Variants in TRAPPC8 observed in about 807,000 individuals in gnomAD.
The protein encoded by TRAPPC8 is general sporulation gene 1 homolog.
A neutral mutation model predicts 174.3 loss-of-function variants in TRAPPC8; 54 were observed. The ratio of observed to expected loss-of-function variants is 0.31; its 90% CI spans 0.25 to 0.39. The LOEUF (loss-of-function observed/expected upper bound fraction) is 0.39. Ranked by LOEUF, TRAPPC8 falls within the 10% of genes least tolerant of loss-of-function variation. The probability of loss-of-function intolerance (pLI) is 1.00; values close to 1 mark genes in which losing one functional copy is unlikely to be tolerated. For synonymous variants in TRAPPC8, 630 were observed against 579.9 expected (o/e 1.09, Z -1.24); for missense variants, 1,531 against 1,699.1 (o/e 0.90, Z 1.74).
At chr18:31,881,017 C>A (rs78008825) in intron 12 of TRAPPC8, among the ~76,000 whole-genome samples, 2 of 151,846 alleles carry the variant, frequency 1.3e-5, no homozygotes, top group Non-Finnish European at 2.9e-5. Context: ...ACAAAAAAAA[C>A]CCACGCTCAC....
chr18:31,887,844 G>C (rs890026406), intron 12 of TRAPPC8, among the ~76,000 whole-genome samples: 3 of 151,938 alleles, frequency 2.0e-5, no homozygotes, highest in Non-Finnish European at 4.4e-5. Flanking sequence ...TGGACGTTCT[G>C]GCCAGGGCAA....
At position 31,911,607 on chromosome 18, in the gene TRAPPC8, C is replaced by T. The variant is rs1185893530; in HGVS notation, c.771+1762G>A. ...TACAAAAATTAGCCAGGCGTGGTGG[C>T]GGGCGCCTGTAATCCCAGCTACTCG... is the stretch of plus-strand genomic sequence containing the variant. On this transcript the variant is annotated intron_variant, in intron 5 of 28. Coordinates refer to ENST00000283351, the MANE Select transcript of TRAPPC8 (RefSeq NM_014939.5). 8.6e-5 allele frequency among the ~76,000 whole-genome samples: 13 copies of T among 151,208 alleles called. No individual in the cohort carries two copies. The East Asian group carries it at 2.3e-3, about 27-fold the overall frequency.
rs2034820031 is a variant in TRAPPC8, at chr18:31,870,830, C to T, written c.2257+96G>A. The T allele has an allele frequency of 3.4e-6, 4 of 1,167,118 alleles. No homozygotes were observed. In the South Asian group the frequency reaches 7.9e-5, roughly 23 times the overall value. The allele number at this position is 1,167,118 out of a possible 1,614,324, so 72.3% of individuals were successfully genotyped here. The stretch of plus-strand genomic sequence containing the variant: ...ATGAGTTCCTAATTTATTTTTGCAT[C>T]CCCAGCACCAATTATGTGTGCCAAA... On this transcript the variant is annotated intron_variant, in intron 15 of 28. Coordinates refer to ENST00000283351, the MANE Select transcript of TRAPPC8 (RefSeq NM_014939.5).
chr18:31,928,342 C>CACAG (rs1370959903), intron 2 of TRAPPC8, among the ~76,000 whole-genome samples: 1 of 120,720 alleles, frequency 8.3e-6, no homozygotes, highest in Non-Finnish European at 1.7e-5. Flanking sequence ...TCTCTACACA[C>CACAG]ACACACACAC....
intron 19 of TRAPPC8, among the ~76,000 whole-genome samples, chr18:31,863,605 T>C (rs1323220186): frequency 5.9e-5 from 9 of 152,160 alleles, no homozygotes; most frequent in Admixed American, 2.6e-4. Flanking sequence ...TTATTAAAAC[T>C]ATATATAAGT....
At chr18:31,923,448 C>T (rs904050216) in intron 2 of TRAPPC8, among the ~76,000 whole-genome samples, 1 of 152,140 alleles carries the variant, frequency 6.6e-6, no homozygotes, top group African/African-American at 2.4e-5. Flanking sequence ...CTGAAGAAAA[C>T]ACGGCACTGT....
At chr18:31,896,987 T>G (rs117391189) in intron 11 of TRAPPC8, among the ~76,000 whole-genome samples, 3,408 of 152,148 alleles carry the variant, frequency 0.022, 63 homozygotes, top group Middle Eastern at 0.048. Flanking sequence ...AAGGTCAGGG[T>G]TGAAGACAGA....
At chr18:31,928,178 TAAAA>T (rs1568147766) in intron 2 of TRAPPC8, among the ~76,000 whole-genome samples, 18 of 150,406 alleles carry the variant, frequency 1.2e-4, no homozygotes, top group South Asian at 4.2e-4. Context: ...TAAAATAAAA[TAAAA>T]TAAAATTAAA....
At chr18:31,935,741 T>C (rs949327924) in intron 1 of TRAPPC8, among the ~76,000 whole-genome samples, 2 of 137,372 alleles carry the variant, frequency 1.5e-5, no homozygotes, top group African/African-American at 5.4e-5. Context: ...ACCCCATTTC[T>C]TTTTTTTTTT....
chr18:31,903,121 C>T (rs981128288), intron 9 of TRAPPC8, among the ~76,000 whole-genome samples: 24 of 149,010 alleles, frequency 1.6e-4, no homozygotes, highest in Non-Finnish European at 2.8e-4. Flanking sequence ...TGCGTGCGTG[C>T]GTGTGTGTGT....
In TRAPPC8 at chr18:31,858,236, G is replaced by C. The variant is rs192355309; in HGVS notation, c.2746-254C>G. On this transcript the variant is annotated intron_variant, in intron 19 of 28. Coordinates refer to ENST00000283351, the MANE Select transcript of TRAPPC8 (RefSeq NM_014939.5). ...AAAGGTATACTATCAGTACACAAGA[G>C]GGCTAACATGTCAAAATTTCACAAC... 2.5e-3 allele frequency among the ~76,000 whole-genome samples: 255 copies of C among 101,396 alleles called. 1 individual carries two copies. The highest frequency in any genetic ancestry group is 8.0e-3 in the African/African-American group (207 of 25,774). 66.5% of individuals were successfully genotyped at this position (101,396 alleles called of 152,430 possible).
chr18:31,933,020 A>AAG (rs1568153937), intron 1 of TRAPPC8, among the ~76,000 whole-genome samples: 265 of 128,834 alleles, frequency 2.1e-3, no homozygotes, highest in African/African-American at 7.8e-3. Flanking sequence ...AAAAAAAAAA[A>AAG]GCCGGGCGCA....
intron 26 of TRAPPC8, among the ~76,000 whole-genome samples, chr18:31,840,319 T>C (rs537716087): frequency 1.4e-3 from 204 of 146,108 alleles, no homozygotes; most frequent in Non-Finnish European, 2.3e-3. Context: ...ATTGCACCAC[T>C]GCACTCCAAC....
In TRAPPC8 at chr18:31,870,465, C is replaced by T. The variant is rs74446169; in HGVS notation, c.2295G>A (p.Leu765=). The change falls in exon 16 of 29, where the codon TTG becomes TTA. Residue 765 remains leucine, a synonymous_variant. Coordinates refer to ENST00000283351, the MANE Select transcript of TRAPPC8 (RefSeq NM_014939.5). ...AATCAGTCAACAAAAGTAGAACTTT[C>T]AAAGGGTTTCTAAAAGCCACTTCCA... ...ITVEVAFRNP[L]KVLLLLTDLS... is the part of the protein sequence containing the mutation. 6.2e-7 allele frequency: 1 copy of T among 1,612,232 alleles called. No individual in the cohort carries two copies. The highest frequency in any genetic ancestry group is 2.2e-5 in the East Asian group (1 of 44,696).
At chr18:31,859,758 T>G (rs1044777886) in intron 19 of TRAPPC8, among the ~76,000 whole-genome samples, 2 of 152,180 alleles carry the variant, frequency 1.3e-5, no homozygotes, top group Admixed American at 1.3e-4. Flanking sequence ...GCACAGTGGC[T>G]CACGCCTGTA....
rs769724675 is a variant in TRAPPC8, at chr18:31,835,437, C to T, written c.3984-3264G>A. Among the ~76,000 whole-genome samples, 184 of 152,158 alleles carry T rather than the reference C, an allele frequency of 1.2e-3. 1 individual carries two copies. Among genetic ancestry groups the T allele is most frequent in the Non-Finnish European group, 2.2e-3 (151 of 68,030 alleles). On this transcript the variant is annotated intron_variant, in intron 27 of 28. Coordinates refer to ENST00000283351, the MANE Select transcript of TRAPPC8 (RefSeq NM_014939.5). The stretch of plus-strand genomic sequence containing the variant: ...GTCTAGGTATATGACTTATTCAGCA[C>T]CTTCCCAAATCCTGGACCTATCATC...
At chr18:31,905,961 G>A (rs185120474) in intron 9 of TRAPPC8, among the ~76,000 whole-genome samples, 2 of 152,142 alleles carry the variant, frequency 1.3e-5, no homozygotes, top group African/African-American at 2.4e-5. Flanking sequence ...TTTCATATTA[G>A]CTTAAATTGG....
At chr18:31,867,631 T>C (rs1452172634) in intron 16 of TRAPPC8, among the ~76,000 whole-genome samples, 155 bp from the exon 17 acceptor site, 1 of 152,212 alleles carries the variant, frequency 6.6e-6, no homozygotes, top group Non-Finnish European at 1.5e-5. Context: ...AGTGTTTTTA[T>C]TTCCACAACT....
chr18:31,918,421 T>A (rs1210000877), intron 2 of TRAPPC8, among the ~76,000 whole-genome samples: 3 of 152,068 alleles, frequency 2.0e-5, no homozygotes, highest in African/African-American at 7.2e-5. Context: ...AGCATAGAGG[T>A]TCTCAACTGA....
Sources: allele counts gnomAD v4.1 joint callset (sites outside exome capture counted in the v4.1 genomes callset), GRCh38; gene constraint gnomAD v4.1.1; transcripts MANE v1.5; gene names NCBI Gene and HGNC (gene_info 2026-07-23, HGNC 2026-07-21).